Variants in DDX19A observed in about 807,000 individuals in gnomAD.
The protein encoded by DDX19A is ATP-dependent RNA helicase DDX19A.
A neutral mutation model predicts 60.6 loss-of-function variants in DDX19A; 12 were observed. The observed-to-expected ratio is 0.20, with a 90% CI of 0.13 to 0.32. The LOEUF (loss-of-function observed/expected upper bound fraction) is 0.32. Among genes scored for constraint, DDX19A ranks in the 10% least tolerant of loss-of-function variants. The pLI, the probability that DDX19A is intolerant of heterozygous loss-of-function variation, is 1.00. For synonymous variants in DDX19A, 206 were observed against 218.2 expected (o/e 0.94, Z 0.49); for missense variants, 337 against 600.6 (o/e 0.56, Z 4.59).
intron 10 of DDX19A, chr16:70,370,927 T>G: frequency 9.2e-6 from 2 of 217,068 alleles, no homozygotes; most frequent in South Asian, 6.7e-5. Context: ...ACCCGGGAGG[T>G]GGAGGTTACG....
At chr16:70,355,716 C>T (rs1964165657) in intron 3 of DDX19A, 181 bp downstream of exon 3, 6 of 613,994 alleles carry the variant, frequency 9.8e-6, no homozygotes, top group Middle Eastern at 2.9e-4. Flanking sequence ...AATCCCAGCA[C>T]TTTGGGAGGC....
chr16:70,371,049 G>A, intron 10 of DDX19A: 1 of 476,924 alleles, frequency 2.1e-6, no homozygotes, highest in East Asian at 3.9e-5. Context: ...CAGTAGTCCT[G>A]ACTTGGTGGA....
intron 4 of DDX19A, among the ~76,000 whole-genome samples, chr16:70,360,212 CA>C (rs1369864308): frequency 6.6e-6 from 1 of 151,108 alleles, no homozygotes; most frequent in African/African-American, 2.4e-5. Context: ...ACCCAGGAGG[CA>C]GAGGTTGCAG....
intron 2 of DDX19A, among the ~76,000 whole-genome samples, chr16:70,353,129 C>CTTTTTTTTTTTT (rs1308743627): frequency 1.4e-5 from 2 of 144,628 alleles, no homozygotes; most frequent in African/African-American, 5.2e-5. Flanking sequence ...TTCTTTCTTT[C>CTTTTTTTTTTTT]TTTTTTTTTT....
At chr16:70,366,561 A>T in intron 8 of DDX19A, 63 bp from the exon 9 acceptor site, 1 of 1,601,514 alleles carries the variant, frequency 6.2e-7, no homozygotes. Context: ...CCAGCTGGGG[A>T]GGCTGTGCTT....
At chr16:70,351,634 T>C (rs1412679381) in intron 2 of DDX19A, among the ~76,000 whole-genome samples, 2 of 151,586 alleles carry the variant, frequency 1.3e-5, no homozygotes, top group African/African-American at 4.8e-5. Flanking sequence ...ACGCCATTCT[T>C]GTGCCTCAGC....
chr16:70,367,507 A>G (rs534297497), intron 9 of DDX19A, among the ~76,000 whole-genome samples: 8 of 152,280 alleles, frequency 5.3e-5, no homozygotes, highest in African/African-American at 1.7e-4. Context: ...TACTTAGAAA[A>G]TGGAAGCATA....
At chr16:70,370,422 T>G (rs775875168) in intron 10 of DDX19A, 37 bp downstream of exon 10, 2 of 1,596,036 alleles carry the variant, frequency 1.3e-6, no homozygotes, top group Admixed American at 3.6e-5. Flanking sequence ...TCTGCCAGGC[T>G]CGGGGTCCCA....
At position 70,366,907 on chromosome 16, in the gene DDX19A, A is replaced by C. The variant is rs564655372; in HGVS notation, c.1020+46A>C. 11 of 1,608,768 alleles carry C rather than the reference A, an allele frequency of 6.8e-6. No individual in the cohort carries two copies. In the Middle Eastern group the frequency reaches 5.0e-4, roughly 73 times the overall value. ...CAGGCCTGGCCCCTCCCTCTCAGCC[A>C]GCTCCCCACAGGGCTCAGGAGGACT... is the stretch of plus-strand genomic sequence containing the variant. On this transcript the variant is annotated intron_variant, in intron 9 of 11. Transcript: ENST00000302243.
chr16:70,352,370 C>T (rs1161485925), intron 2 of DDX19A, among the ~76,000 whole-genome samples: 4 of 151,210 alleles, frequency 2.6e-5, no homozygotes, highest in African/African-American at 7.3e-5. Flanking sequence ...CTCCAACCTC[C>T]GCCTCCCGGG....
chr16:70,347,211 C>A, intron 1 of DDX19A, 163 bp downstream of exon 1: 1 of 676,742 alleles, frequency 1.5e-6, no homozygotes, highest in Non-Finnish European at 2.6e-6. Flanking sequence ...GCTAAAGAGA[C>A]CAATGTCGAG....
chr16:70,347,243 G>A, intron 1 of DDX19A, 195 bp downstream of exon 1: 1 of 597,500 alleles, frequency 1.7e-6, no homozygotes. Context: ...CATCTGGGCT[G>A]GTTAAGGACT....
At chr16:70,364,511 T>C in intron 5 of DDX19A, 32 bp from the exon 6 acceptor site, 1 of 1,518,774 alleles carries the variant, frequency 6.6e-7, no homozygotes, top group Non-Finnish European at 9.1e-7. Context: ...TTTCACCAAT[T>C]TAAGTTTCAT....
Position 70,355,480 on chromosome 16 carries a change from T to G in DDX19A, c.107-5T>G. On this transcript the variant is annotated splice_region_variant and splice_polypyrimidine_tract_variant and intron_variant, in intron 2 of 11. Coordinates refer to ENST00000302243, the MANE Select transcript of DDX19A (RefSeq NM_018332.5). ...TCTAATTATGACAATTGTTTTCTTGTGTAGGTATTATCAAAACCAGTACCA... is the reference window on the plus strand; with the variant it reads ...TCTAATTATGACAATTGTTTTCTTGGGTAGGTATTATCAAAACCAGTACCA... The G allele has an allele frequency of 6.2e-7, 1 of 1,611,526 alleles. No individual in the cohort carries two copies. Among genetic ancestry groups the G allele is most frequent in the Non-Finnish European group, 8.5e-7 (1 of 1,177,606 alleles).
At chr16:70,347,969 C>A in intron 1 of DDX19A, 1 of 449,702 alleles carries the variant, frequency 2.2e-6, no homozygotes, top group Non-Finnish European at 4.5e-6. Context: ...GGATTACAGC[C>A]GTGAGTCACC....
chr16:70,351,386 T>G (rs1220769003), intron 2 of DDX19A, among the ~76,000 whole-genome samples: 2 of 151,518 alleles, frequency 1.3e-5, no homozygotes, highest in Non-Finnish European at 2.9e-5. Context: ...TTTATATTTT[T>G]AGTAGAGGCG....
intron 1 of DDX19A, among the ~76,000 whole-genome samples, chr16:70,348,626 CAAA>C (rs1244983371): frequency 5.7e-5 from 2 of 34,888 alleles, no homozygotes; most frequent in Non-Finnish European, 5.4e-5. Flanking sequence ...GACTCTGTCT[CAAA>C]AAAAAAAAAA....
At chr16:70,358,225 T>C (rs2151635616) in intron 4 of DDX19A, among the ~76,000 whole-genome samples, 1 of 152,210 alleles carries the variant, frequency 6.6e-6, no homozygotes, top group African/African-American at 2.4e-5. Context: ...GAGACAGCGT[T>C]TCATCATGTT....
At chr16:70,362,379 T>G (rs1171570654) in intron 5 of DDX19A, among the ~76,000 whole-genome samples, 1 of 149,578 alleles carries the variant, frequency 6.7e-6, no homozygotes, top group Non-Finnish European at 1.5e-5. Context: ...TTAAAAAATA[T>G]TATTTTGATG....
Sources: allele counts gnomAD v4.1 joint callset (sites outside exome capture counted in the v4.1 genomes callset), GRCh38; gene constraint gnomAD v4.1.1; transcripts MANE v1.5; gene names NCBI Gene and HGNC (gene_info 2026-07-23, HGNC 2026-07-21).